The following ARHGEF4 variants were observed in gnomAD, a reference collection of about 807,000 sequenced individuals.
ARHGEF4 encodes the protein Rho guanine nucleotide exchange factor 4, also known as APC-stimulated guanine nucleotide exchange factor 1.
A neutral mutation model predicts 162.0 loss-of-function variants in ARHGEF4; 119 were observed. The ratio of observed to expected loss-of-function variants is 0.73; its 90% confidence interval spans 0.63 to 0.86. ARHGEF4 has a LOEUF of 0.86. ARHGEF4 is among the 40% of genes least tolerant of loss of function. ARHGEF4 has a pLI of 0.00. For synonymous variants in ARHGEF4, 1,014 were observed against 979.9 expected (o/e 1.03, Z -0.65); for missense variants, 2,488 against 2,456.0 (o/e 1.01, Z -0.28).
intron 3 of ARHGEF4, among the ~76,000 whole-genome samples, chr2:130,938,847 T>C (rs1325599185): frequency 6.6e-6 from 1 of 152,230 alleles, no homozygotes; most frequent in Non-Finnish European, 1.5e-5. Flanking sequence ...CTTCTGTTTT[T>C]TCTAAAGTTT....
intron 4 of ARHGEF4, among the ~76,000 whole-genome samples, chr2:130,986,853 T>C (rs1280333335): frequency 1.3e-5 from 2 of 152,186 alleles, no homozygotes; most frequent in East Asian, 3.9e-4. Context: ...GGCAGGACAT[T>C]AGCAGGCTCT....
In ARHGEF4 at chr2:130,915,960, G is replaced by A; in HGVS notation, c.2014G>A (p.Glu672Lys). 1.9e-6 allele frequency: 3 copies of A among 1,550,550 alleles called. No individual in the cohort carries two copies. The highest frequency in any genetic ancestry group is 2.6e-6 in the Non-Finnish European group (3 of 1,146,986). ...ACCAGAATCTCCCTTGAGCACTGGCGAGACCCCCTGTGAGTCTCCCACTAG... is the reference window on the plus strand; with the variant it reads ...ACCAGAATCTCCCTTGAGCACTGGCAAGACCCCCTGTGAGTCTCCCACTAG... ...ERPESPLSTG[E>K]TPCESPTRGK... The change falls in exon 2 of 14, where the codon GAG becomes AAG. Residue 672 changes from glutamate (E) to lysine (K), a missense_variant. Transcript: ENST00000409359.
chr2:130,887,833 G>A (rs1266571059), intron 1 of ARHGEF4, among the ~76,000 whole-genome samples: 2 of 152,112 alleles, frequency 1.3e-5, no homozygotes, highest in African/African-American at 4.8e-5. Flanking sequence ...CCACTGTGCT[G>A]GGAAGGAGGA....
chr2:130,893,347 T>C (rs924886389), intron 1 of ARHGEF4, among the ~76,000 whole-genome samples: 2 of 152,178 alleles, frequency 1.3e-5, no homozygotes, highest in Non-Finnish European at 2.9e-5. Flanking sequence ...TGCTGCTGTC[T>C]CTGGGGCCTT....
In ARHGEF4 at chr2:131,041,393, C is replaced by T. The variant is rs768129574; in HGVS notation, c.4826C>T (p.Pro1609Leu). The T allele has an allele frequency of 6.2e-7, 1 of 1,613,396 alleles. No individual in the cohort carries two copies. The highest frequency in any genetic ancestry group is 8.5e-7 in the Non-Finnish European group (1 of 1,180,030). The part of the protein sequence containing the change: ...DISLDGFLLT[P>L]VQKICKYPLQ... The stretch of plus-strand genomic sequence containing the variant: ...TCCCTGGATGGCTTCCTGCTGACTC[C>T]GGTGCAGAAGATCTGCAAGTACCCT... Residue 1609 changes from proline to leucine, a missense_variant, in exon 9 of 14, where the codon CCG (proline) becomes CTG (leucine). Around this residue, in one of 6 missense-constraint regions of ARHGEF4, gnomAD observed 415 missense variants for 512.4 expected, o/e 0.81. Transcript: ENST00000409359.
At position 130,915,650 on chromosome 2, in the gene ARHGEF4, C is replaced by A. The variant is rs3739130; in HGVS notation, c.1704C>A (p.Ala568=). ...KSSAIDTSKA[A]EEAMVLDPNY... is the part of the protein sequence containing the mutation. ...GCGCAATAGACACTTCAAAGGCAGC[C>A]GAAGAAGCCATGGTTCTAGACCCCA... Residue 568 remains alanine, a synonymous_variant, in exon 2 of 14, where the codon GCC becomes GCA. Coordinates refer to ENST00000409359, the MANE Select transcript of ARHGEF4 (RefSeq NM_001367493.1). The A allele has an allele frequency of 6.5e-7, 1 of 1,550,248 alleles. No individual in the cohort carries two copies. The highest frequency in any genetic ancestry group is 1.4e-5 in the African/African-American group (1 of 72,950).
At chr2:130,940,212 A>G (rs1683204552) in intron 3 of ARHGEF4, among the ~76,000 whole-genome samples, 1 of 152,210 alleles carries the variant, frequency 6.6e-6, no homozygotes, top group Non-Finnish European at 1.5e-5. Flanking sequence ...CAGGTGCTAC[A>G]GTGATATCAA....
intron 4 of ARHGEF4, among the ~76,000 whole-genome samples, chr2:130,986,042 TGTATA>T (rs1012442465): frequency 3.9e-5 from 6 of 151,994 alleles, no homozygotes; most frequent in African/African-American, 7.3e-5. Flanking sequence ...TTGTGTGTTA[TGTATA>T]GTATATGTTA....
In ARHGEF4 at chr2:131,041,290, C is replaced by G; in HGVS notation, c.4723C>G (p.Leu1575Val). The G allele has an allele frequency of 3.1e-6, 5 of 1,613,976 alleles. No individual in the cohort carries two copies. Among genetic ancestry groups the G allele is most frequent in the Non-Finnish European group, 4.2e-6 (5 of 1,180,034 alleles). ...CNNHPNACVE[L>V]SRLTKLSKYV... is the part of the protein sequence containing the mutation. Reference sequence around the variant, plus strand: ...TAACCACCCCAACGCCTGCGTGGAGCTCTCCCGGCTCACCAAGCTCAGCAA... The same window carrying G: ...TAACCACCCCAACGCCTGCGTGGAGGTCTCCCGGCTCACCAAGCTCAGCAA... Residue 1575 changes from leucine (L) to valine (V), a missense_variant, in exon 9 of 14, where the codon CTC becomes GTC. Leu to Val is a conservative substitution (Grantham distance 32). Coordinates refer to ENST00000409359, the MANE Select transcript of ARHGEF4 (RefSeq NM_001367493.1).
At chr2:130,855,167 G>A (rs1250132088) in intron 1 of ARHGEF4, among the ~76,000 whole-genome samples, 5 of 151,908 alleles carry the variant, frequency 3.3e-5, no homozygotes, top group African/African-American at 4.8e-5. Flanking sequence ...GAGCTACCGC[G>A]CCCGGCCGGA....
intron 1 of ARHGEF4, among the ~76,000 whole-genome samples, chr2:130,894,049 C>T (rs758900870): frequency 2.1e-4 from 32 of 152,212 alleles, no homozygotes; most frequent in Non-Finnish European, 3.5e-4. Flanking sequence ...AGGCAGGCAC[C>T]GGCACATCAT....
chr2:130,967,238 A>C (rs1416859900), intron 4 of ARHGEF4, among the ~76,000 whole-genome samples: 3 of 152,232 alleles, frequency 2.0e-5, no homozygotes, highest in Non-Finnish European at 4.4e-5. Flanking sequence ...AATGTCGTTC[A>C]TCTGGCTGTG....
intron 2 of ARHGEF4, 134 bp downstream of exon 2, chr2:130,917,632 C>G: frequency 8.6e-7 from 1 of 1,156,088 alleles, no homozygotes; most frequent in Non-Finnish European, 1.2e-6. Context: ...ACACTCCCAG[C>G]CGCCCCCCCT....
intron 1 of ARHGEF4, among the ~76,000 whole-genome samples, 175 bp from the exon 2 acceptor site, chr2:130,913,811 T>C (rs1383962784): frequency 1.3e-5 from 2 of 152,230 alleles, no homozygotes; most frequent in Non-Finnish European, 2.9e-5. Flanking sequence ...TCATCACTTG[T>C]TTTCCATGTT....
intron 4 of ARHGEF4, among the ~76,000 whole-genome samples, chr2:131,022,944 T>C (rs1156872139): frequency 1.3e-5 from 2 of 151,498 alleles, no homozygotes; most frequent in African/African-American, 4.9e-5. Context: ...AACTCAAATA[T>C]ATAAAGAACT....
chr2:131,035,818 C>T, intron 5 of ARHGEF4: 2 of 985,344 alleles, frequency 2.0e-6, no homozygotes, highest in East Asian at 1.1e-4. Context: ...TTCACAGCTG[C>T]CCCCACCCTG....
chr2:130,973,775 A>G (rs1685514637), intron 4 of ARHGEF4, among the ~76,000 whole-genome samples: 1 of 152,212 alleles, frequency 6.6e-6, no homozygotes, highest in South Asian at 2.1e-4. Flanking sequence ...AACATTACAT[A>G]TCAAAACTTA....
intron 4 of ARHGEF4, among the ~76,000 whole-genome samples, chr2:131,008,013 A>G (rs1326576160): frequency 6.6e-6 from 1 of 151,756 alleles, no homozygotes; most frequent in Non-Finnish European, 1.5e-5. Flanking sequence ...GGGTTTCGCC[A>G]TGTTGGCCAG....
intron 1 of ARHGEF4, among the ~76,000 whole-genome samples, chr2:130,912,925 TA>T (rs1681279164): frequency 6.6e-6 from 1 of 152,218 alleles, no homozygotes; most frequent in South Asian, 2.1e-4. Flanking sequence ...CCACTTCACA[TA>T]ACTTTTGTTA....
Sources: allele counts gnomAD v4.1 joint callset (sites outside exome capture counted in the v4.1 genomes callset), GRCh38; gene constraint gnomAD v4.1.1; regional missense constraint gnomAD v4.1.1; transcripts MANE v1.5; gene names NCBI Gene and HGNC (gene_info 2026-07-23, HGNC 2026-07-21).